Variants in NCOA2 observed in about 807,000 individuals in gnomAD.
NCOA2 encodes class E basic helix-loop-helix protein 75.
A neutral mutation model predicts 145.1 loss-of-function variants in NCOA2; 21 were observed. The ratio of observed to expected loss-of-function variants is 0.14; its 90% CI spans 0.10 to 0.21. The LOEUF is 0.21. Ranked by LOEUF, NCOA2 falls within the 10% of genes least tolerant of loss-of-function variation. The probability of loss-of-function intolerance (pLI) is 1.00; values close to 1 mark genes in which losing one functional copy is unlikely to be tolerated. For missense variants in NCOA2, 1,472 were observed against 1,837.6 expected (o/e 0.80, Z 3.64); for synonymous variants, 619 against 637.5 (o/e 0.97, Z 0.44).
At chr8:70,382,666 G>A (rs996960929) in intron 1 of NCOA2, among the ~76,000 whole-genome samples, 3 of 152,174 alleles carry the variant, frequency 2.0e-5, no homozygotes, top group African/African-American at 7.2e-5. Context: ...ATCCAAGTCA[G>A]AACATGGAGG....
rs762678634 is a variant in NCOA2 at position 70,279,665 on chromosome 8, T to TG, written c.-20+17078dup. ...ATGCTGTGCCTTAATTTCAGCCCCC[T>TG]GGCAAGATTGGCTCAGGAACAGGCA... is the stretch of plus-strand genomic sequence containing the variant. On this transcript the variant is annotated intron_variant, in intron 2 of 22. Transcript: ENST00000452400. 8.5e-5 allele frequency among the ~76,000 whole-genome samples: 13 copies of TG among 152,334 alleles called. 1 individual carries two copies. The South Asian group carries it at 1.9e-3, about 22-fold the overall frequency.
chr8:70,111,172 A>C lies in NCOA2; in HGVS notation c.*2460T>G, dbSNP rs1055989360. On this transcript the variant is annotated 3_prime_UTR_variant, in exon 23 of 23. Coordinates refer to ENST00000452400, the MANE Select transcript of NCOA2 (RefSeq NM_006540.4). ...ACAGCAATGATCACGAATTATTATA[A>C]ATTACCAGTATCATGAAGTTGCGGA... is the stretch of plus-strand genomic sequence containing the variant. 27 of 222,250 alleles carry C rather than the reference A, an allele frequency of 1.2e-4. No homozygotes were observed. In the East Asian group the frequency reaches 1.7e-3, roughly 14 times the overall value. 13.8% of individuals were successfully genotyped at this position (222,250 alleles called of 1,614,324 possible).
chr8:70,349,919 T>A (rs750625636), intron 1 of NCOA2, among the ~76,000 whole-genome samples: 6 of 152,082 alleles, frequency 3.9e-5, no homozygotes, highest in Non-Finnish European at 8.8e-5. Context: ...GCACCCATAC[T>A]CTGCCCACAA....
chr8:70,328,093 T>C (rs1002268876), intron 1 of NCOA2, among the ~76,000 whole-genome samples: 1 of 152,244 alleles, frequency 6.6e-6, no homozygotes. Flanking sequence ...TATTATACAT[T>C]AGTTTCAGAT....
At chr8:70,235,162 T>C (rs1043474122) in intron 2 of NCOA2, among the ~76,000 whole-genome samples, 5 of 152,230 alleles carry the variant, frequency 3.3e-5, no homozygotes, top group African/African-American at 9.6e-5. Flanking sequence ...ATCGTACTGA[T>C]ACATGTTAAA....
At chr8:70,326,822 T>C (rs1209414903) in intron 1 of NCOA2, among the ~76,000 whole-genome samples, 2 of 152,200 alleles carry the variant, frequency 1.3e-5, no homozygotes, top group Admixed American at 6.5e-5. Context: ...AGTTTTAGCC[T>C]TTGAAGTATT....
At chr8:70,326,878 C>G (rs1041389074) in intron 1 of NCOA2, among the ~76,000 whole-genome samples, 1 of 152,144 alleles carries the variant, frequency 6.6e-6, no homozygotes, top group Non-Finnish European at 1.5e-5. Flanking sequence ...AATGCAGAAA[C>G]AGTCTTTTAA....
chr8:70,402,838 A>T (rs1312699546), intron 1 of NCOA2, among the ~76,000 whole-genome samples: 1 of 140,338 alleles, frequency 7.1e-6, no homozygotes, highest in Non-Finnish European at 1.5e-5. Context: ...AAGTTCAGTC[A>T]GGGGCGAGCC....
At chr8:70,450,573 CTTTTTTT>C in the NCOA2 span, among the ~76,000 whole-genome samples, 2 of 94,630 alleles carry the variant, frequency 2.1e-5, no homozygotes, top group South Asian at 4.1e-4. Context: ...TCTTTTTATT[CTTTTTTT>C]TTTTTTTTTT....
At chr8:70,233,361 G>A (rs1386074849) in intron 2 of NCOA2, among the ~76,000 whole-genome samples, 2 of 152,132 alleles carry the variant, frequency 1.3e-5, no homozygotes, top group South Asian at 2.1e-4. Flanking sequence ...TGAAACAAAT[G>A]ATTATAAATC....
At chr8:70,131,109 G>A (rs1809042940) in intron 16 of NCOA2, among the ~76,000 whole-genome samples, 1 of 152,032 alleles carries the variant, frequency 6.6e-6, no homozygotes. Flanking sequence ...CCAAAATTAT[G>A]GTGGGCTAAA....
chr8:70,175,574 C>A (rs773202800), intron 4 of NCOA2, among the ~76,000 whole-genome samples: 2 of 152,228 alleles, frequency 1.3e-5, no homozygotes, highest in Non-Finnish European at 2.9e-5. Context: ...CCCCGGAAGA[C>A]ATTTCTTCAT....
At chr8:70,404,643 G>A (rs1216030623), upstream of NCOA2, among the ~76,000 whole-genome samples, 3 of 152,358 alleles carry the variant, frequency 2.0e-5, no homozygotes, top group East Asian at 5.8e-4. Flanking sequence ...GCGGGATAAA[G>A]CAAATGCTGC....
rs1244386076 is a variant in NCOA2 at position 70,327,007 on chromosome 8, T to A, written c.-76-30207A>T. 2.0e-5 allele frequency among the ~76,000 whole-genome samples: 3 copies of A among 152,316 alleles called. No individual in the cohort carries two copies. In the East Asian group the frequency reaches 5.8e-4, roughly 29 times the overall value. On this transcript the variant is annotated intron_variant, in intron 1 of 22. Coordinates refer to ENST00000452400, the MANE Select transcript of NCOA2 (RefSeq NM_006540.4). ...ACTCAGTCCTGTCCCAGTAGTCCTT[T>A]ACCAGCCACTAACTCACTTCACTGC...
At chr8:70,430,577 C>G in the NCOA2 span, among the ~76,000 whole-genome samples, 1 of 152,198 alleles carries the variant, frequency 6.6e-6, no homozygotes, top group Non-Finnish European at 1.5e-5. Flanking sequence ...GCCCTCTACC[C>G]CCTTTCTTTG....
chr8:70,389,794 G>A (rs1167117653), intron 1 of NCOA2, among the ~76,000 whole-genome samples: 2 of 151,860 alleles, frequency 1.3e-5, no homozygotes, highest in African/African-American at 2.4e-5. Context: ...TCAGCCTCCC[G>A]AGTAGCTGGG....
chr8:70,376,771 C>T (rs113485972), intron 1 of NCOA2, among the ~76,000 whole-genome samples: 2 of 152,188 alleles, frequency 1.3e-5, no homozygotes, highest in South Asian at 2.1e-4. Context: ...AGATACAGAC[C>T]AACACAACAC....
intron 4 of NCOA2, among the ~76,000 whole-genome samples, chr8:70,187,436 T>C (rs919560511): frequency 2.6e-5 from 4 of 152,178 alleles, no homozygotes; most frequent in African/African-American, 9.7e-5. Flanking sequence ...TGCTCTCAAA[T>C]ACAAGGACTG....
chr8:70,264,818 CATAG>C lies in NCOA2; in HGVS notation c.-20+31922_-20+31925del, dbSNP rs372323572. Among the ~76,000 whole-genome samples the C allele has an allele frequency of 1.4e-3, 209 of 151,144 alleles. 2 individuals are homozygous for C. The highest frequency in any genetic ancestry group is 4.9e-3 in the African/African-American group (201 of 40,892). On this transcript the variant is annotated intron_variant, in intron 2 of 22. Coordinates refer to ENST00000452400, the MANE Select transcript of NCOA2 (RefSeq NM_006540.4). Reference sequence around the variant, plus strand: ...ACAACATTTGACTGACTTGCAACTACATAGATATTATCACCAAAAAAAAACCCAT... The same window carrying C: ...ACAACATTTGACTGACTTGCAACTACATATTATCACCAAAAAAAAACCCAT...
Sources: gnomAD v4.1 joint callset for allele counts (sites outside exome capture counted in the v4.1 genomes callset) on GRCh38, gnomAD v4.1.1 for gene constraint, MANE v1.5 for transcripts, NCBI Gene and HGNC (gene_info 2026-07-23, HGNC 2026-07-21) for gene names.